The following TTLL7 variants were observed in gnomAD, a reference collection of about 807,000 sequenced individuals.
The protein encoded by TTLL7 is tubulin tyrosine ligase like 7.
A neutral mutation model predicts 120.2 loss-of-function variants in TTLL7; 53 were observed. That is an observed-to-expected ratio of 0.44 (90% CI 0.35 to 0.55). The LOEUF is 0.55. Among genes scored for constraint, TTLL7 ranks in the 20% least tolerant of loss-of-function variants. The pLI, the probability that TTLL7 is intolerant of heterozygous loss-of-function variation, is 0.00. For missense variants in TTLL7, 803 were observed against 1,054.7 expected (o/e 0.76, Z 3.31); for synonymous variants, 353 against 351.7 (o/e 1.00, Z -0.04).
intron 1 of TTLL7, among the ~76,000 whole-genome samples, chr1:83,960,090 T>A (rs1440353303): frequency 6.6e-6 from 1 of 152,142 alleles, no homozygotes; most frequent in Non-Finnish European, 1.5e-5. Flanking sequence ...AAATACGCAA[T>A]TATCATGGTT....
chr1:83,989,915 T>C (rs1652824766), intron 1 of TTLL7, among the ~76,000 whole-genome samples: 1 of 152,130 alleles, frequency 6.6e-6, no homozygotes, highest in African/African-American at 2.4e-5. Context: ...GCTTTGGTTG[T>C]TGTTGTTATT....
At chr1:83,974,991 C>T (rs1403078075) in intron 1 of TTLL7, among the ~76,000 whole-genome samples, 1 of 151,982 alleles carries the variant, frequency 6.6e-6, no homozygotes, top group Non-Finnish European at 1.5e-5. Flanking sequence ...CTTTTTATCT[C>T]AACCATATGC....
intron 1 of TTLL7, among the ~76,000 whole-genome samples, chr1:83,973,928 G>A (rs1557774938): frequency 6.6e-6 from 1 of 151,972 alleles, no homozygotes. Flanking sequence ...TGCTGGAAAT[G>A]TTCTCTATCT....
chr1:83,924,513 G>A (rs1658948142), intron 10 of TTLL7, among the ~76,000 whole-genome samples: 1 of 152,100 alleles, frequency 6.6e-6, no homozygotes, highest in Admixed American at 6.6e-5. Context: ...CTGAGAGTAG[G>A]ACACTCAAAT....
In TTLL7 at chr1:83,949,853, T is replaced by C; in HGVS notation, c.279+12A>G. 1.2e-6 allele frequency: 2 copies of C among 1,613,132 alleles called. No individual in the cohort carries two copies. Among genetic ancestry groups the C allele is most frequent in the Non-Finnish European group, 1.7e-6 (2 of 1,179,834 alleles). ...TCCTCATACCACTAACTGGTCATGA[T>C]TAATTTCCTACCTGATAATTTTGCA... On this transcript the variant is annotated intron_variant, in intron 4 of 20. Transcript: ENST00000260505.
intron 15 of TTLL7, 65 bp from the exon 16 acceptor site, chr1:83,907,726 A>G: frequency 1.4e-6 from 2 of 1,438,230 alleles, no homozygotes; most frequent in African/African-American, 1.4e-5. Context: ...CACTGTATGA[A>G]GTCTATATAA....
intron 1 of TTLL7, among the ~76,000 whole-genome samples, chr1:83,976,408 G>A (rs1483862063): frequency 1.3e-5 from 2 of 152,016 alleles, no homozygotes; most frequent in Non-Finnish European, 2.9e-5. Context: ...TTATTGGAAA[G>A]GGCAGTGTCT....
intron 18 of TTLL7, among the ~76,000 whole-genome samples, chr1:83,896,632 G>A (rs951061941): frequency 3.3e-5 from 5 of 151,962 alleles, no homozygotes; most frequent in Admixed American, 6.6e-5. Flanking sequence ...AAACAGAGAC[G>A]GAAAATAGTA....
chr1:83,976,057 G>C (rs1651451890), intron 1 of TTLL7, among the ~76,000 whole-genome samples: 1 of 150,720 alleles, frequency 6.6e-6, no homozygotes, highest in South Asian at 2.1e-4. Context: ...GTGTGTGTGT[G>C]TGTGTGTGTG....
At chr1:83,992,640 G>A (rs574382992) in intron 1 of TTLL7, among the ~76,000 whole-genome samples, 1 of 152,074 alleles carries the variant, frequency 6.6e-6, no homozygotes, top group African/African-American at 2.4e-5. Context: ...TGTAAAAATG[G>A]TGGAAATAAT....
rs969991605 is a variant in TTLL7, at chr1:83,974,688, A to G, written c.-176-22301T>C. ...GTACCATACAGAAAACATATTAGAC[A>G]TGATCTACTACATAATATCAATACA... is the stretch of plus-strand genomic sequence containing the variant. On this transcript the variant is annotated intron_variant, in intron 1 of 20. Coordinates refer to ENST00000260505, the MANE Select transcript of TTLL7 (RefSeq NM_024686.6). 3.3e-5 allele frequency among the ~76,000 whole-genome samples: 5 copies of G among 152,170 alleles called. No individual in the cohort carries two copies. In the South Asian group the frequency reaches 1.0e-3, roughly 32 times the overall value.
rs953159090 is a variant in TTLL7 at position 83,975,813 on chromosome 1, A to G, written c.-177+23118T>C. 3.9e-5 allele frequency among the ~76,000 whole-genome samples: 6 copies of G among 152,146 alleles called. No individual in the cohort carries two copies. In the South Asian group the frequency reaches 1.2e-3, roughly 31 times the overall value. On this transcript the variant is annotated intron_variant, in intron 1 of 20. Coordinates refer to ENST00000260505, the MANE Select transcript of TTLL7 (RefSeq NM_024686.6). Reference sequence around the variant, plus strand: ...AGTACAGATGTAGTAAAAACGTAGTATTCTAATGTACTTTCTACTACAGAT... The same window carrying G: ...AGTACAGATGTAGTAAAAACGTAGTGTTCTAATGTACTTTCTACTACAGAT...
At chr1:83,971,232 T>C (rs1650940679) in intron 1 of TTLL7, among the ~76,000 whole-genome samples, 1 of 152,112 alleles carries the variant, frequency 6.6e-6, no homozygotes, top group South Asian at 2.1e-4. Flanking sequence ...AACTATCATT[T>C]ACCTGATGAT....
chr1:83,955,055 T>C (rs868159563), intron 1 of TTLL7, among the ~76,000 whole-genome samples: 19 of 152,322 alleles, frequency 1.2e-4, no homozygotes, highest in South Asian at 2.1e-4. Context: ...CCAGTACATT[T>C]GTGCTAGAGT....
chr1:83,956,297 T>C (rs1485991691), intron 1 of TTLL7, among the ~76,000 whole-genome samples: 2 of 151,174 alleles, frequency 1.3e-5, no homozygotes, highest in Non-Finnish European at 2.9e-5. Context: ...TATTTATTTA[T>C]TTATTATTTT....
chr1:83,876,311 A>C (rs866204247), intron 20 of TTLL7, among the ~76,000 whole-genome samples: 1 of 151,848 alleles, frequency 6.6e-6, no homozygotes, highest in South Asian at 2.1e-4. Flanking sequence ...ATATTATACT[A>C]TCTTAAATTA....
In TTLL7 at chr1:83,865,513, A is replaced by G. The variant is rs528810578; in HGVS notation, c.*4449T>C. 1 of 152,176 alleles carries G rather than the reference A, an allele frequency of 6.6e-6. No homozygotes were observed. Among genetic ancestry groups the G allele is most frequent in the South Asian group, 2.1e-4 (1 of 4,828 alleles). The allele number at this position is 152,176 out of a possible 1,614,324, so 9.4% of individuals were successfully genotyped here. On this transcript the variant is annotated 3_prime_UTR_variant, in exon 21 of 21. Coordinates refer to ENST00000260505, the MANE Select transcript of TTLL7 (RefSeq NM_024686.6). Reference sequence around the variant, plus strand: ...TAACTTGAGTAATTTTCCCTAATATACGATACATCCCTTTATGACGAGGTC... The same window carrying G: ...TAACTTGAGTAATTTTCCCTAATATGCGATACATCCCTTTATGACGAGGTC...
At chr1:83,906,749 T>A (rs1260600701) in intron 16 of TTLL7, among the ~76,000 whole-genome samples, 2 of 152,068 alleles carry the variant, frequency 1.3e-5, no homozygotes, top group African/African-American at 4.8e-5. Context: ...ATTTGCTACA[T>A]ATACCTTAGG....
At position 83,998,917 on chromosome 1, in the gene TTLL7, C is replaced by T. The variant is rs945549194; in HGVS notation, c.-177+14G>A. On this transcript the variant is annotated intron_variant, in intron 1 of 20. Transcript: ENST00000260505. ...GAAGGGGGTCGGGGGAGGATGGCGG[C>T]AGCAGGTACTCACCCGGGTGAGGAA... 2 of 390,786 alleles carry T rather than the reference C, an allele frequency of 5.1e-6. No individual in the cohort carries two copies. Among genetic ancestry groups the T allele is most frequent in the East Asian group, 1.9e-4 (2 of 10,294 alleles). 24.2% of individuals were successfully genotyped at this position (390,786 alleles called of 1,614,324 possible).
Sources: gnomAD v4.1 joint callset for allele counts (sites outside exome capture counted in the v4.1 genomes callset) on GRCh38, gnomAD v4.1.1 for gene constraint, MANE v1.5 for transcripts, NCBI Gene and HGNC (gene_info 2026-07-23, HGNC 2026-07-21) for gene names.